CHD1L: variants seen among roughly 807,000 people sequenced by gnomAD.
CHD1L encodes ATP-dependent chromatin remodeler CHD1L.
In CHD1L, 118 loss-of-function variants were observed where a neutral mutation model predicts 115.9. That is an observed-to-expected ratio of 1.02 (90% CI 0.88 to 1.19). CHD1L has a LOEUF of 1.19. CHD1L is among the 50% of genes most tolerant of loss of function. The pLI, the probability that CHD1L is intolerant of heterozygous loss-of-function variation, is 0.00. For missense variants in CHD1L, 1,179 were observed against 1,065.3 expected (o/e 1.11, Z -1.49); for synonymous variants, 411 against 387.1 (o/e 1.06, Z -0.72).
intron 12 of CHD1L, among the ~76,000 whole-genome samples, 200 bp from the exon 13 acceptor site, chr1:147,275,154 A>G (rs782700131): frequency 2.7e-4 from 41 of 152,142 alleles, no homozygotes; most frequent in Non-Finnish European, 3.5e-4. Context: ...AAATTTTCCC[A>G]TCAGGCAATA....
intron 15 of CHD1L, 105 bp downstream of exon 15, chr1:147,280,296 C>T: frequency 1.7e-6 from 2 of 1,173,714 alleles, no homozygotes; most frequent in Non-Finnish European, 2.3e-6. Flanking sequence ...TCTTTTTTCT[C>T]CCTTACCCTA....
At chr1:147,242,139 C>A (rs1664968742), upstream of CHD1L, among the ~76,000 whole-genome samples, 1 of 152,136 alleles carries the variant, frequency 6.6e-6, no homozygotes, top group African/African-American at 2.4e-5. Context: ...TTGAGATACC[C>A]ACTGCCACAA....
the CHD1L span, among the ~76,000 whole-genome samples, chr1:147,231,162 C>T: frequency 1.3e-5 from 2 of 152,136 alleles, no homozygotes; most frequent in South Asian, 2.1e-4. Context: ...AAATTTCCCT[C>T]TACACACTGC....
At chr1:147,192,005 G>C in the CHD1L span, among the ~76,000 whole-genome samples, 5,534 of 151,998 alleles carry the variant, frequency 0.036, 144 homozygotes, top group South Asian at 0.094. Context: ...CTCTTTTTTG[G>C]TTCCATATGA....
intron 1 of CHD1L, among the ~76,000 whole-genome samples, chr1:147,248,838 A>C (rs1197402146): frequency 6.6e-6 from 1 of 152,174 alleles, no homozygotes; most frequent in Non-Finnish European, 1.5e-5. Context: ...CCTTTATATA[A>C]ACATTACTTC....
the CHD1L span, among the ~76,000 whole-genome samples, chr1:147,231,377 T>C: frequency 5.3e-5 from 8 of 152,170 alleles, 1 homozygote; most frequent in African/African-American, 1.9e-4. Context: ...AGAGACAGTT[T>C]GTTATAATTT....
At chr1:147,203,109 G>GTT in the CHD1L span, among the ~76,000 whole-genome samples, 7 of 41,476 alleles carry the variant, frequency 1.7e-4, no homozygotes, top group Non-Finnish European at 2.4e-4. Flanking sequence ...TAGACCAAAG[G>GTT]TTTCCTTTTT....
At chr1:147,202,309 G>GTCTTTTTTTTTTTTTTTTTTTTTTTTT in the CHD1L span, among the ~76,000 whole-genome samples, 6 of 118,436 alleles carry the variant, frequency 5.1e-5, 3 homozygotes, top group Admixed American at 2.0e-4. Flanking sequence ...CTAAAAAGCA[G>GTCTTTTTTTTTTTTTTTTTTTTTTTTT]TTCTTTTTTT....
chr1:147,236,344 A>G, the CHD1L span, among the ~76,000 whole-genome samples: 3 of 152,296 alleles, frequency 2.0e-5, no homozygotes, highest in South Asian at 6.2e-4. Context: ...ACAATGTGGC[A>G]AGCAATGGGC....
chr1:147,229,650 G>C, the CHD1L span, among the ~76,000 whole-genome samples: 4 of 152,086 alleles, frequency 2.6e-5, no homozygotes, highest in African/African-American at 9.7e-5. Flanking sequence ...AGCATGGAAT[G>C]TTCTTCCATT....
the CHD1L span, chr1:147,186,640 G>GGACCGGGCGCGGTGGCTCACGCCTGTA: frequency 8.0e-7 from 1 of 1,247,698 alleles, no homozygotes; most frequent in Middle Eastern, 3.1e-4. Context: ...GACATACAAA[G>GGACCGGGCGCGGTGGCTCACGCCTGTA]ATGACTAAAA....
chr1:147,268,904 C>T (rs903977656), intron 10 of CHD1L, 26 bp downstream of exon 10: 2 of 1,548,430 alleles, frequency 1.3e-6, no homozygotes, highest in Non-Finnish European at 8.9e-7. Flanking sequence ...ACATTTGCTG[C>T]TCTGAGCTAA....
At chr1:147,265,256 G>T (rs587634464) in intron 7 of CHD1L, among the ~76,000 whole-genome samples, 1 of 152,252 alleles carries the variant, frequency 6.6e-6, no homozygotes, top group South Asian at 2.1e-4. Flanking sequence ...TGGCGAACCT[G>T]CTCTGATTAC....
chr1:147,236,991 C>T, the CHD1L span, among the ~76,000 whole-genome samples: 7 of 152,170 alleles, frequency 4.6e-5, no homozygotes, highest in African/African-American at 1.7e-4. Context: ...TTCACAGCAC[C>T]CAAACTGTTT....
chr1:147,269,667 C>CA (rs10649680), intron 10 of CHD1L, among the ~76,000 whole-genome samples: 31,270 of 93,252 alleles, frequency 0.34, 6,282 homozygotes, highest in East Asian at 0.41. Flanking sequence ...GGCTCCATCT[C>CA]AAAAAAAAAA....
chr1:147,248,471 G>T (rs587637660), intron 1 of CHD1L, among the ~76,000 whole-genome samples: 2 of 152,232 alleles, frequency 1.3e-5, no homozygotes, highest in East Asian at 3.9e-4. Context: ...GCCTCCCAAA[G>T]TGCTGGGATT....
chr1:147,214,142 C>T, the CHD1L span, among the ~76,000 whole-genome samples: 1 of 152,092 alleles, frequency 6.6e-6, no homozygotes, highest in African/African-American at 2.4e-5. Context: ...ACCATAATGT[C>T]TTCATGGACT....
intron 14 of CHD1L, among the ~76,000 whole-genome samples, chr1:147,279,446 A>G (rs1343064392): frequency 6.6e-6 from 1 of 152,212 alleles, no homozygotes; most frequent in African/African-American, 2.4e-5. Flanking sequence ...ATGCCAGAGG[A>G]ACATCCAGAA....
chr1:147,213,546 T>C, the CHD1L span: 1 of 1,277,696 alleles, frequency 7.8e-7, no homozygotes. Flanking sequence ...AAAGGGCTGA[T>C]ATCACAGACA....
Sources: allele counts gnomAD v4.1 joint callset (sites outside exome capture counted in the v4.1 genomes callset), GRCh38; gene constraint gnomAD v4.1.1; transcripts MANE v1.5; gene names NCBI Gene and HGNC (gene_info 2026-07-23, HGNC 2026-07-21).